KDM2B: variants seen among roughly 807,000 people sequenced by gnomAD.
KDM2B encodes lysine-specific demethylase 2B.
Under a neutral mutation model 150.0 loss-of-function variants are expected in KDM2B, and 26 were observed. The observed-to-expected ratio is 0.17, with a 90% CI of 0.13 to 0.24. KDM2B has a LOEUF of 0.24. Ranked by LOEUF, KDM2B falls within the 10% of genes least tolerant of loss-of-function variation. The pLI is 1.00. For synonymous variants in KDM2B, 734 were observed against 729.5 expected (o/e 1.01, Z -0.10); for missense variants, 1,265 against 1,816.9 (o/e 0.70, Z 5.52).
At chr12:121,461,897 T>G (rs1879169067) in intron 12 of KDM2B, among the ~76,000 whole-genome samples, 1 of 152,160 alleles carries the variant, frequency 6.6e-6, no homozygotes, top group African/African-American at 2.4e-5. Context: ...AAAACCAACC[T>G]GCTGAGAAAT....
chr12:121,443,731 G>A lies in KDM2B; in HGVS notation c.2514C>T (p.Gly838=), dbSNP rs782716637. The A allele has an allele frequency of 6.2e-7, 1 of 1,611,836 alleles. No homozygotes were observed. The highest frequency in any genetic ancestry group is 8.5e-7 in the Non-Finnish European group (1 of 1,179,778). The change falls in exon 17 of 23, where the codon GGC becomes GGT. Residue 838 remains glycine (G), a synonymous_variant. Transcript: ENST00000377071. ...ATCTCCACCAGGGGCTGAGGCTGCT[G>A]CCTAGAGGGGGCCTCGGCGAGAGGT... ...SSHLSPRPPL[G]SSLSPWWRSS...
chr12:121,411,106 T>C, the KDM2B span, among the ~76,000 whole-genome samples: 1 of 152,202 alleles, frequency 6.6e-6, no homozygotes, highest in Non-Finnish European at 1.5e-5. Context: ...GCTAATTTTA[T>C]TTTTTGTAGA....
intron 22 of KDM2B, among the ~76,000 whole-genome samples, chr12:121,437,737 G>A (rs782081086): frequency 1.1e-4 from 16 of 152,142 alleles, no homozygotes; most frequent in Non-Finnish European, 1.8e-4. Flanking sequence ...CCCTTGTCAC[G>A]AGACCAGATC....
chr12:121,529,445 T>C (rs1241773677), intron 8 of KDM2B, among the ~76,000 whole-genome samples: 3 of 152,048 alleles, frequency 2.0e-5, no homozygotes, highest in African/African-American at 7.2e-5. Context: ...AGGTGGGAAA[T>C]GCCAGAATTC....
intron 11 of KDM2B, among the ~76,000 whole-genome samples, chr12:121,495,849 G>T (rs1328796561): frequency 5.3e-5 from 8 of 151,886 alleles, no homozygotes; most frequent in African/African-American, 1.9e-4. Context: ...GTCTGACTGA[G>T]GATGGAGTCA....
intron 10 of KDM2B, among the ~76,000 whole-genome samples, chr12:121,512,753 G>A (rs958235532): frequency 2.0e-5 from 3 of 152,206 alleles, no homozygotes; most frequent in African/African-American, 7.2e-5. Flanking sequence ...ACTGGCAGCA[G>A]GGCTGGGCGC....
chr12:121,542,992 G>A (rs1461858620), intron 6 of KDM2B, among the ~76,000 whole-genome samples: 1 of 152,114 alleles, frequency 6.6e-6, no homozygotes, highest in Admixed American at 6.5e-5. Context: ...CTCTGTGAAG[G>A]TGCAACTACC....
chr12:121,439,261 C>T (rs1010233972), intron 22 of KDM2B, among the ~76,000 whole-genome samples: 3 of 152,176 alleles, frequency 2.0e-5, no homozygotes, highest in Non-Finnish European at 2.9e-5. Flanking sequence ...GGCTCTTCTG[C>T]ACCCCCTCGG....
intron 4 of KDM2B, among the ~76,000 whole-genome samples, chr12:121,562,325 A>G (rs909273939): frequency 2.0e-5 from 3 of 150,668 alleles, no homozygotes; most frequent in African/African-American, 7.3e-5. Flanking sequence ...TCTACTAAAA[A>G]TACAAAAAAT....
intron 9 of KDM2B, among the ~76,000 whole-genome samples, chr12:121,517,197 C>T (rs1689660613): frequency 6.6e-6 from 1 of 152,004 alleles, no homozygotes. Context: ...CCACTCGTTG[C>T]TGTCACTCTT....
intron 4 of KDM2B, among the ~76,000 whole-genome samples, chr12:121,559,712 C>A (rs186731390): frequency 2.0e-5 from 3 of 151,970 alleles, no homozygotes; most frequent in African/African-American, 7.2e-5. Flanking sequence ...ACCAGCCTGA[C>A]CAACATGGAG....
intron 1 of KDM2B, chr12:121,580,578 G>A (rs1891898807): frequency 1.1e-6 from 1 of 938,864 alleles, no homozygotes; most frequent in African/African-American, 1.7e-5. Flanking sequence ...GGGGCAGGGA[G>A]GGAGGGAAGG....
intron 12 of KDM2B, among the ~76,000 whole-genome samples, chr12:121,470,928 G>A (rs567330212): frequency 1.3e-5 from 2 of 152,338 alleles, no homozygotes; most frequent in African/African-American, 4.8e-5. Flanking sequence ...ACATGATAAC[G>A]TAGTGGGTTC....
chr12:121,428,296 G>T (rs1156961418), downstream of KDM2B, among the ~76,000 whole-genome samples: 1 of 151,976 alleles, frequency 6.6e-6, no homozygotes, highest in Non-Finnish European at 1.5e-5. Context: ...GGGTTCAAGC[G>T]ATTCTCCTGT....
intron 1 of KDM2B, chr12:121,579,507 C>G: frequency 9.4e-7 from 1 of 1,062,366 alleles, no homozygotes; most frequent in East Asian, 6.2e-5. Context: ...CCGCCGCCCG[C>G]CCGCCAGTGC....
In KDM2B at chr12:121,533,573, T is replaced by A. The variant is rs899474841; in HGVS notation, c.778-614A>T. 1.3e-5 allele frequency among the ~76,000 whole-genome samples: 2 copies of A among 152,150 alleles called. No homozygotes were observed. Among genetic ancestry groups the A allele is most frequent in the Non-Finnish European group, 2.9e-5 (2 of 68,016 alleles). ...AGCATTCTGTCCCCAGTGCAAAATG[T>A]TCCTAGAGGCAGGTGGTGCTGGCAA... On this transcript the variant is annotated intron_variant, in intron 7 of 22. Coordinates refer to ENST00000377071, the MANE Select transcript of KDM2B (RefSeq NM_032590.5). This position sits in a 1 kb window ranked among gnomAD's most constrained non-coding sequence, Gnocchi z 4.1.
intron 12 of KDM2B, among the ~76,000 whole-genome samples, chr12:121,466,996 C>T (rs868913811): frequency 4.0e-5 from 6 of 148,584 alleles, no homozygotes; most frequent in Middle Eastern, 7.0e-3. Context: ...CGCTCCTCTA[C>T]GCCCCGCTCG....
chr12:121,546,345 C>T (rs1889036501), intron 6 of KDM2B, among the ~76,000 whole-genome samples: 1 of 149,374 alleles, frequency 6.7e-6, no homozygotes, highest in Non-Finnish European at 1.5e-5. Context: ...GCCCTTTTCA[C>T]TTCTCTCCCA....
Position 121,521,146 on chromosome 12 carries a change from G to C in KDM2B, c.932-46C>G, listed in dbSNP as rs782153281. 2 of 1,348,476 alleles carry C rather than the reference G, an allele frequency of 1.5e-6. No individual in the cohort carries two copies. Among genetic ancestry groups the C allele is most frequent in the South Asian group, 2.3e-5 (2 of 85,288 alleles). 83.5% of individuals were successfully genotyped at this position (1,348,476 alleles called of 1,614,324 possible). ...AGAGGATGAGCCGCTGGCCCCTGTG[G>C]GCTCCCACACCTCACAAGGCTGCAG... On this transcript the variant is annotated intron_variant, in intron 8 of 22. Coordinates refer to ENST00000377071, the MANE Select transcript of KDM2B (RefSeq NM_032590.5). This position sits in a 1 kb window ranked among gnomAD's most constrained non-coding sequence, Gnocchi z 4.9.
Sources: allele counts gnomAD v4.1 joint callset (sites outside exome capture counted in the v4.1 genomes callset), GRCh38; gene constraint gnomAD v4.1.1; non-coding constraint Gnocchi (gnomAD v3.1); transcripts MANE v1.5; gene names NCBI Gene and HGNC (gene_info 2026-07-23, HGNC 2026-07-21).